Variants in NKTR observed in about 807,000 individuals in gnomAD.
The protein encoded by NKTR is natural killer cell triggering receptor, also known as NK-tumor recognition protein.
NKTR carries 67 observed loss-of-function variants against 156.3 expected under a neutral mutation model. The ratio of observed to expected loss-of-function variants is 0.43; its 90% CI spans 0.35 to 0.53. The LOEUF is 0.53. Ranked by LOEUF, NKTR falls within the 20% of genes least tolerant of loss-of-function variation. The pLI, the probability that NKTR is intolerant of heterozygous loss-of-function variation, is 0.01. For missense variants in NKTR, 1,604 were observed against 1,730.9 expected (o/e 0.93, Z 1.30); for synonymous variants, 640 against 596.6 (o/e 1.07, Z -1.06).
At chr3:42,631,806 C>A (rs1026823709) in intron 8 of NKTR, among the ~76,000 whole-genome samples, 1 of 152,190 alleles carries the variant, frequency 6.6e-6, no homozygotes, top group African/African-American at 2.4e-5. Context: ...TCTGCTGTCT[C>A]TCTAAACTCT....
At chr3:42,602,628 C>CTTTTTTTTTTTTTTTT (rs10588618) in intron 2 of NKTR, 1 of 139,412 alleles carries the variant, frequency 7.2e-6, no homozygotes. Context: ...CTTGATTGAT[C>CTTTTTTTTTTTTTTTT]TTTTTTTTTT....
chr3:42,629,414 T>C (rs1708694418), intron 6 of NKTR: 2 of 938,116 alleles, frequency 2.1e-6, no homozygotes, highest in African/African-American at 3.6e-5. Flanking sequence ...CCGAATATTC[T>C]TAATGTAAGT....
At chr3:42,608,485 T>TG (rs1344732821) in intron 2 of NKTR, among the ~76,000 whole-genome samples, 1 of 152,134 alleles carries the variant, frequency 6.6e-6, no homozygotes, top group African/African-American at 2.4e-5. Context: ...GGGAGATGCA[T>TG]GGGCCTTCTG....
At chr3:42,606,702 A>T (rs1288629720) in intron 2 of NKTR, among the ~76,000 whole-genome samples, 1 of 152,036 alleles carries the variant, frequency 6.6e-6, no homozygotes, top group Non-Finnish European at 1.5e-5. Context: ...CTTTACTTTT[A>T]TTTTAAATTT....
At chr3:42,634,953 A>C (rs991996936) in intron 11 of NKTR, 1 of 453,084 alleles carries the variant, frequency 2.2e-6, no homozygotes, top group African/African-American at 2.0e-5. Context: ...AGACTTTAAA[A>C]AGGAAAATTT....
Position 42,637,760 on chromosome 3 carries a change from T to G in NKTR, c.2056T>G (p.Ser686Ala). Residue 686 changes from serine to alanine, a missense_variant, in exon 13 of 17, where the codon TCA becomes GCA. Ser to Ala is a moderately conservative substitution (Grantham distance 99). Coordinates refer to ENST00000232978, the MANE Select transcript of NKTR (RefSeq NM_005385.4). Reference sequence around the variant, plus strand: ...TTATTCAAAATACAGTGATAGAAGTTCAGAAAGCTCACCAAGGTCAAGGAG... The same window carrying G: ...TTATTCAAAATACAGTGATAGAAGTGCAGAAAGCTCACCAAGGTCAAGGAG... ...STYSKYSDRS[S>A]ESSPRSRSRS... The G allele has an allele frequency of 6.2e-7, 1 of 1,613,656 alleles. No homozygotes were observed. Among genetic ancestry groups the G allele is most frequent in the Non-Finnish European group, 8.5e-7 (1 of 1,179,920 alleles).
chr3:42,629,654 T>C (rs985086948), intron 6 of NKTR: 10 of 979,382 alleles, frequency 1.0e-5, no homozygotes, highest in Non-Finnish European at 1.2e-5. Flanking sequence ...CTCATTCTTA[T>C]AAATCAAGAT....
chr3:42,638,657 C>T lies in NKTR; in HGVS notation c.2953C>T (p.Leu985Phe), dbSNP rs368830504. The stretch of plus-strand genomic sequence containing the variant: ...GCACAAACATGGGTCAAAGGAAAAT[C>T]TTAAAAGAGAACACACCAAAAAAGT... Reference protein sequence around the residue: ...QKHKHGSKENLKREHTKKVKE... With the variant: ...QKHKHGSKENFKREHTKKVKE... Residue 985 changes from leucine (L) to phenylalanine (F), a missense_variant, in exon 13 of 17, where the codon CTT (leucine) becomes TTT (phenylalanine). This residue lies in a region of NKTR where 1,255 missense variants were observed against 1,243.7 expected (regional missense o/e 1.01). Coordinates refer to ENST00000232978, the MANE Select transcript of NKTR (RefSeq NM_005385.4). The T allele has an allele frequency of 7.4e-6, 12 of 1,611,724 alleles. No homozygotes were observed. The highest frequency in any genetic ancestry group is 9.3e-6 in the Non-Finnish European group (11 of 1,179,496).
chr3:42,618,005 TTAAA>T (rs1707542909), intron 3 of NKTR, among the ~76,000 whole-genome samples: 1 of 152,052 alleles, frequency 6.6e-6, no homozygotes, highest in South Asian at 2.1e-4. Flanking sequence ...ACAATAAATT[TTAAA>T]TAAATAGAAA....
chr3:42,639,329 G>A lies in NKTR; in HGVS notation c.3625G>A (p.Gly1209Arg), dbSNP rs767077802. 3.2e-5 allele frequency: 51 copies of A among 1,613,936 alleles called. No individual in the cohort carries two copies. The highest frequency in any genetic ancestry group is 4.5e-5 in the East Asian group (2 of 44,878). ...ASLASAGESTGKKEVAEKSQI... is the reference protein window; with the variant it reads ...ASLASAGESTRKKEVAEKSQI... ...CTTGGCTAGTGCTGGAGAAAGTACCGGGAAGAAGGAGGTGGCTGAGAAGAG... is the reference window on the plus strand; with the variant it reads ...CTTGGCTAGTGCTGGAGAAAGTACCAGGAAGAAGGAGGTGGCTGAGAAGAG... Residue 1209 changes from glycine (G) to arginine (R), a missense_variant, in exon 13 of 17, where the codon GGG (glycine) becomes AGG (arginine). Transcript: ENST00000232978.
At chr3:42,630,874 T>A in intron 7 of NKTR, 1 of 1,366,220 alleles carries the variant, frequency 7.3e-7, no homozygotes, top group East Asian at 2.7e-5. Flanking sequence ...ATATCATGTG[T>A]CCCTGTAAGG....
chr3:42,626,586 G>A (rs1708410775), intron 6 of NKTR, among the ~76,000 whole-genome samples: 1 of 152,136 alleles, frequency 6.6e-6, no homozygotes, highest in Non-Finnish European at 1.5e-5. Flanking sequence ...TAACTTCAAT[G>A]TGTATCTAAT....
chr3:42,633,409 G>C, intron 9 of NKTR, 171 bp from the exon 10 acceptor site: 1 of 1,371,692 alleles, frequency 7.3e-7, no homozygotes, highest in African/African-American at 1.5e-5. Flanking sequence ...TCTAGTCTTT[G>C]GGTTTTTCAC....
In NKTR at chr3:42,638,256, G is replaced by A. The variant is rs756141804; in HGVS notation, c.2552G>A (p.Arg851Gln). 3.1e-5 allele frequency: 50 copies of A among 1,609,974 alleles called. No homozygotes were observed. Among genetic ancestry groups the A allele is most frequent in the Non-Finnish European group, 4.0e-5 (47 of 1,179,126 alleles). ...NRGEEKSKSERECPHSKKRTL... is the reference protein window; with the variant it reads ...NRGEEKSKSEQECPHSKKRTL... Reference sequence around the variant, plus strand: ...GGTGAAGAAAAATCCAAGTCTGAACGGGAATGCCCTCATTCAAAAAAAAGA... The same window carrying A: ...GGTGAAGAAAAATCCAAGTCTGAACAGGAATGCCCTCATTCAAAAAAAAGA... The change falls in exon 13 of 17, where the codon CGG becomes CAG. Residue 851 changes from arginine (R) to glutamine (Q), a missense_variant. Physicochemically the swap from Arg to Gln is conservative, Grantham distance 43. Coordinates refer to ENST00000232978, the MANE Select transcript of NKTR (RefSeq NM_005385.4).
chr3:42,636,603 T>C (rs1369192477), intron 12 of NKTR, among the ~76,000 whole-genome samples: 2 of 152,208 alleles, frequency 1.3e-5, no homozygotes, highest in African/African-American at 2.4e-5. Flanking sequence ...ATTAGTTGGT[T>C]TGCTTTTCAA....
At chr3:42,620,971 A>G in intron 5 of NKTR, 1 of 925,818 alleles carries the variant, frequency 1.1e-6, no homozygotes, top group Non-Finnish European at 1.3e-6. Context: ...CTTACAGTCT[A>G]GCTTCAATTA....
In NKTR at chr3:42,631,326, T is replaced by TA; in HGVS notation, c.550+10_550+11insA. 1 of 1,612,438 alleles carries TA rather than the reference T, an allele frequency of 6.2e-7. No individual in the cohort carries two copies. The highest frequency in any genetic ancestry group is 8.5e-7 in the Non-Finnish European group (1 of 1,179,138). ...AAATCAATAAAAGATGGTAAGAACT[T>TA]TTTTGACAGTAGATGAAGCTAAGAT... On this transcript the variant is annotated intron_variant, in intron 8 of 16. Coordinates refer to ENST00000232978, the MANE Select transcript of NKTR (RefSeq NM_005385.4).
At chr3:42,605,453 T>G (rs371175512) in intron 2 of NKTR, among the ~76,000 whole-genome samples, 17 of 152,328 alleles carry the variant, frequency 1.1e-4, no homozygotes, top group African/African-American at 3.6e-4. Context: ...AAATTAGTCT[T>G]AAGAGGCGAC....
intron 2 of NKTR, chr3:42,602,646 T>TTTC (rs1238265949): frequency 2.1e-5 from 3 of 144,000 alleles, no homozygotes; most frequent in Non-Finnish European, 4.5e-5. Flanking sequence ...TTTTTTTTTT[T>TTTC]AAATAAGTGT....
Sources: gnomAD v4.1 joint callset for allele counts (sites outside exome capture counted in the v4.1 genomes callset) on GRCh38, gnomAD v4.1.1 for gene constraint, gnomAD v4.1.1 regional missense constraint, MANE v1.5 for transcripts, NCBI Gene and HGNC (gene_info 2026-07-23, HGNC 2026-07-21) for gene names.